SCLT1: variants seen among roughly 807,000 people sequenced by gnomAD.
SCLT1 encodes the protein sodium channel and clathrin linker 1, also known as sodium channel-associated protein 1.
Under a neutral mutation model 112.8 loss-of-function variants are expected in SCLT1, and 78 were observed. The ratio of observed to expected loss-of-function variants is 0.69; its 90% CI spans 0.58 to 0.83. SCLT1 has a LOEUF of 0.83. SCLT1 is among the 40% of genes least tolerant of loss of function. SCLT1 has a pLI of 0.00. For missense variants in SCLT1, 747 were observed against 770.4 expected, an observed-to-expected ratio of 0.97 and a Z score of 0.36; for synonymous variants, 257 against 254.7, an observed-to-expected ratio of 1.01 and a Z score of -0.09.
At chr4:129,000,404 TTTATAA>T (rs1743373126) in intron 6 of SCLT1, among the ~76,000 whole-genome samples, 1 of 152,002 alleles carries the variant, frequency 6.6e-6, no homozygotes, top group Non-Finnish European at 1.5e-5. Flanking sequence ...TTATAATGAT[TTTATAA>T]TTATAATTTT....
intron 18 of SCLT1, among the ~76,000 whole-genome samples, chr4:128,926,531 A>G (rs1364079578): frequency 6.6e-6 from 1 of 152,154 alleles, no homozygotes; most frequent in Non-Finnish European, 1.5e-5. Flanking sequence ...AGAATTCACC[A>G]CCAGTAGATC....
At chr4:128,983,115 C>T (rs1047152983) in intron 9 of SCLT1, among the ~76,000 whole-genome samples, 74 of 150,320 alleles carry the variant, frequency 4.9e-4, no homozygotes, top group African/African-American at 1.6e-3. Context: ...CTCAAACTCC[C>T]GACCTCAGGT....
intron 18 of SCLT1, among the ~76,000 whole-genome samples, chr4:128,910,258 T>C (rs1417264189): frequency 2.6e-5 from 4 of 152,254 alleles, no homozygotes. Context: ...CCCATGTATT[T>C]GTAGATGCTG....
downstream of SCLT1, among the ~76,000 whole-genome samples, chr4:128,879,149 A>AGAC (rs986306048): frequency 6.6e-6 from 1 of 152,110 alleles, no homozygotes; most frequent in Non-Finnish European, 1.5e-5. Context: ...CTCACAGCTC[A>AGAC]GACTTGTTTT....
At chr4:128,914,376 A>G (rs1053016471) in intron 18 of SCLT1, among the ~76,000 whole-genome samples, 1 of 152,062 alleles carries the variant, frequency 6.6e-6, no homozygotes, top group African/African-American at 2.4e-5. Context: ...AAAAAAAAAG[A>G]AACTAGTAAT....
chr4:129,044,519 A>C (rs566323119), intron 2 of SCLT1, among the ~76,000 whole-genome samples: 15 of 151,890 alleles, frequency 9.9e-5, no homozygotes, highest in Non-Finnish European at 1.8e-4. Flanking sequence ...AATGTAATCA[A>C]AAAAAATCCT....
At chr4:128,883,828 T>G (rs1157307951), downstream of SCLT1, among the ~76,000 whole-genome samples, 1 of 152,224 alleles carries the variant, frequency 6.6e-6, no homozygotes, top group Non-Finnish European at 1.5e-5. Flanking sequence ...AATAGTTCAA[T>G]GCCATGCAGT....
chr4:128,896,260 C>T (rs892302080), intron 18 of SCLT1, among the ~76,000 whole-genome samples: 22 of 152,174 alleles, frequency 1.4e-4, no homozygotes, highest in Admixed American at 6.5e-5. Context: ...CCCTGACCCC[C>T]AAGTAGCCTA....
chr4:129,063,982 G>A (rs951596704), intron 2 of SCLT1, among the ~76,000 whole-genome samples: 1 of 152,160 alleles, frequency 6.6e-6, no homozygotes, highest in African/African-American at 2.4e-5. Flanking sequence ...CAGGTGAACT[G>A]AAATTGTTCT....
intron 18 of SCLT1, among the ~76,000 whole-genome samples, chr4:128,915,953 A>G (rs1296547087): frequency 6.6e-6 from 1 of 152,228 alleles, no homozygotes; most frequent in African/African-American, 2.4e-5. Flanking sequence ...ATAAGTTCTT[A>G]GTGGCAAAGC....
At chr4:128,944,028 C>A (rs186015032) in intron 16 of SCLT1, among the ~76,000 whole-genome samples, 1 of 152,090 alleles carries the variant, frequency 6.6e-6, no homozygotes, top group African/African-American at 2.4e-5. Flanking sequence ...ATGAACCACT[C>A]CTTCTGTCCT....
intron 18 of SCLT1, among the ~76,000 whole-genome samples, chr4:128,920,818 G>A (rs182444724): frequency 4.3e-4 from 66 of 152,272 alleles, no homozygotes; most frequent in Admixed American, 7.9e-4. Flanking sequence ...GCAGAGCAAT[G>A]AGGCAAAAGA....
At chr4:128,928,303 A>T (rs1308718972) in intron 18 of SCLT1, among the ~76,000 whole-genome samples, 1 of 152,168 alleles carries the variant, frequency 6.6e-6, no homozygotes, top group Non-Finnish European at 1.5e-5. Flanking sequence ...ATAACTTGAG[A>T]GTTCAAGAAA....
At chr4:128,887,244 T>C (rs1228347435) in intron 20 of SCLT1, among the ~76,000 whole-genome samples, 2 of 152,188 alleles carry the variant, frequency 1.3e-5, no homozygotes, top group Non-Finnish European at 2.9e-5. Context: ...CCTAAATACA[T>C]TCTTGCATAA....
At chr4:128,959,254 G>C (rs926722105) in intron 12 of SCLT1, among the ~76,000 whole-genome samples, 7 of 151,360 alleles carry the variant, frequency 4.6e-5, no homozygotes, top group African/African-American at 7.3e-5. Flanking sequence ...AGACGGGTAA[G>C]ATTTATCAGA....
At chr4:128,950,403 A>G (rs1738621440) in intron 14 of SCLT1, among the ~76,000 whole-genome samples, 3 of 152,222 alleles carry the variant, frequency 2.0e-5, no homozygotes, top group Admixed American at 1.3e-4. Context: ...ATGAGACAGC[A>G]AAGTTTAAGC....
intron 11 of SCLT1, among the ~76,000 whole-genome samples, chr4:128,962,626 G>C (rs970110692): frequency 1.3e-5 from 2 of 151,968 alleles, no homozygotes; most frequent in Admixed American, 1.3e-4. Context: ...CCCTGCTCTC[G>C]CATATTCCAA....
chr4:128,970,541 G>C (rs1740604336), intron 9 of SCLT1, 73 bp from the exon 10 acceptor site: 1 of 841,890 alleles, frequency 1.2e-6, no homozygotes. Flanking sequence ...ATAGAAATCT[G>C]AATTTGGTAA....
chr4:129,048,769 A>C (rs1396264535), intron 2 of SCLT1, among the ~76,000 whole-genome samples: 2 of 152,296 alleles, frequency 1.3e-5, no homozygotes, highest in Admixed American at 6.5e-5. Flanking sequence ...CAATGAACTC[A>C]AACAAATTTA....
Sources: allele counts gnomAD v4.1 joint callset (sites outside exome capture counted in the v4.1 genomes callset), GRCh38; gene constraint gnomAD v4.1.1; transcripts MANE v1.5; gene names NCBI Gene and HGNC (gene_info 2026-07-23, HGNC 2026-07-21).